L3MBTL4: variants seen among roughly 807,000 people sequenced by gnomAD.
L3MBTL4 encodes lethal(3)malignant brain tumor-like protein 4.
In L3MBTL4, 70 loss-of-function variants were observed where a neutral mutation model predicts 84.5. That is an observed-to-expected ratio of 0.83 (90% CI 0.68 to 1.01). L3MBTL4 has a LOEUF of 1.01. Ranked by LOEUF, L3MBTL4 falls within the 50% of genes least tolerant of loss-of-function variation. The pLI, the probability that L3MBTL4 is intolerant of heterozygous loss-of-function variation, is 0.00. For missense variants in L3MBTL4, 715 were observed against 754.8 expected (o/e 0.95, Z 0.62); for synonymous variants, 274 against 259.8 (o/e 1.05, Z -0.52).
chr18:6,284,012 G>A (rs946521517), intron 4 of L3MBTL4, among the ~76,000 whole-genome samples: 18 of 152,174 alleles, frequency 1.2e-4, no homozygotes, highest in African/African-American at 4.3e-4. Flanking sequence ...GTATGTGGCC[G>A]GCAGCCACGC....
At chr18:6,064,908 G>A (rs2057351469) in intron 16 of L3MBTL4, among the ~76,000 whole-genome samples, 1 of 151,988 alleles carries the variant, frequency 6.6e-6, no homozygotes. Context: ...CGGTAAAAGT[G>A]GGCATCCTTG....
chr18:6,321,795 G>T (rs1247444715), intron 1 of L3MBTL4, among the ~76,000 whole-genome samples: 1 of 152,092 alleles, frequency 6.6e-6, no homozygotes, highest in African/African-American at 2.4e-5. Context: ...CATAACTCAG[G>T]AATGGAAAAC....
chr18:6,356,794 A>C (rs1224237325), intron 1 of L3MBTL4: 1 of 152,196 alleles, frequency 6.6e-6, no homozygotes, highest in East Asian at 1.9e-4. Flanking sequence ...CTTTATGAAC[A>C]CTGTATACTT....
intron 16 of L3MBTL4, among the ~76,000 whole-genome samples, chr18:6,056,590 G>A (rs930278474): frequency 6.6e-5 from 10 of 152,080 alleles, no homozygotes; most frequent in Non-Finnish European, 8.8e-5. Flanking sequence ...CTCTCTATGC[G>A]ACAGGCAAGG....
intron 1 of L3MBTL4, among the ~76,000 whole-genome samples, chr18:6,344,322 A>G (rs1267038218): frequency 1.3e-5 from 2 of 152,202 alleles, no homozygotes; most frequent in African/African-American, 2.4e-5. Flanking sequence ...TCCTAGAAAT[A>G]TACAATCTAC....
chr18:6,032,130 A>T, intron 16 of L3MBTL4: 1 of 259,306 alleles, frequency 3.9e-6, no homozygotes, highest in South Asian at 4.4e-5. Flanking sequence ...GGCACCCGCC[A>T]CCACGCCTGG....
intron 16 of L3MBTL4, among the ~76,000 whole-genome samples, chr18:5,973,537 T>C (rs186841796): frequency 9.1e-6 from 1 of 110,066 alleles, no homozygotes. Flanking sequence ...TGATTTTAAC[T>C]TTTTTTTACA....
chr18:5,966,886 TTTC>T (rs140753133), intron 17 of L3MBTL4, among the ~76,000 whole-genome samples: 10,202 of 152,186 alleles, frequency 0.067, 453 homozygotes, highest in South Asian at 0.2. Context: ...CGTCTCACTT[TTTC>T]TTCTTCTATG....
At chr18:6,243,166 G>A in intron 7 of L3MBTL4, 128 bp downstream of exon 7, 1 of 770,718 alleles carries the variant, frequency 1.3e-6, no homozygotes, top group South Asian at 3.4e-5. Context: ...ACTCTTTATG[G>A]AACACAATTT....
intron 4 of L3MBTL4, among the ~76,000 whole-genome samples, chr18:6,270,833 C>CTT (rs1289949475): frequency 6.6e-6 from 1 of 152,208 alleles, no homozygotes; most frequent in Non-Finnish European, 1.5e-5. Context: ...GGTCTTTAAT[C>CTT]TTATGGTTTA....
chr18:6,097,430 G>C (rs904255594), intron 14 of L3MBTL4, among the ~76,000 whole-genome samples: 2 of 152,184 alleles, frequency 1.3e-5, no homozygotes, highest in Admixed American at 6.5e-5. Context: ...AATGACGTTA[G>C]GGTTTGCAAA....
chr18:6,289,721 C>T (rs1248339888), intron 4 of L3MBTL4, among the ~76,000 whole-genome samples: 1 of 151,982 alleles, frequency 6.6e-6, no homozygotes, highest in Admixed American at 6.6e-5. Context: ...TGTAACTTGT[C>T]AGTACAATTC....
At chr18:6,140,453 T>G (rs1030026343) in intron 13 of L3MBTL4, among the ~76,000 whole-genome samples, 4 of 152,280 alleles carry the variant, frequency 2.6e-5, no homozygotes, top group Non-Finnish European at 4.4e-5. Context: ...AAATGCACAT[T>G]GTGCAGACGA....
chr18:6,358,543 G>GA (rs2053544358), intron 1 of L3MBTL4, among the ~76,000 whole-genome samples: 1 of 152,194 alleles, frequency 6.6e-6, no homozygotes, highest in Non-Finnish European at 1.5e-5. Context: ...CACCCAAAAA[G>GA]AAAGACAGCT....
intron 14 of L3MBTL4, among the ~76,000 whole-genome samples, chr18:6,108,402 C>T (rs1218368491): frequency 6.6e-6 from 1 of 152,138 alleles, no homozygotes; most frequent in Non-Finnish European, 1.5e-5. Flanking sequence ...TAGAAATTTT[C>T]CAGTTGCATG....
At chr18:6,087,881 C>T (rs2058310148) in intron 15 of L3MBTL4, among the ~76,000 whole-genome samples, 1 of 152,146 alleles carries the variant, frequency 6.6e-6, no homozygotes, top group African/African-American at 2.4e-5. Flanking sequence ...ATCTATATTC[C>T]TATACTCTAA....
intron 1 of L3MBTL4, among the ~76,000 whole-genome samples, chr18:6,340,706 C>A (rs1056765159): frequency 6.6e-6 from 1 of 151,982 alleles, no homozygotes; most frequent in Non-Finnish European, 1.5e-5. Flanking sequence ...TCCTGTGGGC[C>A]CTTGCACCCA....
At chr18:6,094,065 A>T (rs1462124495) in intron 14 of L3MBTL4, among the ~76,000 whole-genome samples, 1 of 152,162 alleles carries the variant, frequency 6.6e-6, no homozygotes, top group East Asian at 1.9e-4. Context: ...TGTAGGTGAG[A>T]GAGGAGAGGC....
At chr18:6,378,440 T>G (rs1242693554) in intron 1 of L3MBTL4, among the ~76,000 whole-genome samples, 1 of 152,238 alleles carries the variant, frequency 6.6e-6, no homozygotes, top group African/African-American at 2.4e-5. Context: ...TCTAGTATTT[T>G]TATGGTCCCA....
Sources: gnomAD v4.1 joint callset for allele counts (sites outside exome capture counted in the v4.1 genomes callset) on GRCh38, gnomAD v4.1.1 for gene constraint, MANE v1.5 for transcripts, NCBI Gene and HGNC (gene_info 2026-07-23, HGNC 2026-07-21) for gene names.